LSAMP: variants seen among roughly 807,000 people sequenced by gnomAD.
The protein encoded by LSAMP is limbic system-associated membrane protein.
A neutral mutation model predicts 38.6 loss-of-function variants in LSAMP; 7 were observed. That is an observed-to-expected ratio of 0.18 (90% CI 0.10 to 0.34). The LOEUF (loss-of-function observed/expected upper bound fraction) is 0.34, where lower values mean the gene tolerates loss of function less well. Among genes scored for constraint, LSAMP ranks in the 10% least tolerant of loss-of-function variants. LSAMP has a pLI of 1.00. For missense variants in LSAMP, 313 were observed against 420.0 expected (o/e 0.75, Z 2.23); for synonymous variants, 154 against 166.8 (o/e 0.92, Z 0.59).
intron 1 of LSAMP, among the ~76,000 whole-genome samples, chr3:116,114,450 C>T (rs1278807396): frequency 6.6e-6 from 1 of 151,746 alleles, no homozygotes. Flanking sequence ...GGAACAAGGT[C>T]TGTTCATTAC....
intron 3 of LSAMP, among the ~76,000 whole-genome samples, chr3:115,980,959 C>T (rs548707018): frequency 1.4e-4 from 22 of 152,202 alleles, no homozygotes; most frequent in African/African-American, 5.1e-4. Context: ...GGTGAATTGT[C>T]GTTTCACTGG....
chr3:116,006,704 T>G (rs1272643368), intron 3 of LSAMP, among the ~76,000 whole-genome samples: 3 of 152,200 alleles, frequency 2.0e-5, no homozygotes, highest in Non-Finnish European at 4.4e-5. Flanking sequence ...CTGTGTCCAT[T>G]ATCACAGACA....
rs574215792 is a variant in LSAMP, at chr3:116,082,061, T to C, written c.388+4263A>G. ...GTGAATGGGATATTTAAAAATAAGA[T>C]TCTCGTTTTAAAAATGTTGTCATGT... is the stretch of plus-strand genomic sequence containing the variant. On this transcript the variant is annotated intron_variant, in intron 2 of 6. Transcript: ENST00000490035. Among the ~76,000 whole-genome samples the C allele has an allele frequency of 3.3e-5, 5 of 152,290 alleles. No homozygotes were observed. The South Asian group carries it at 1.0e-3, about 32-fold the overall frequency.
intron 2 of LSAMP, among the ~76,000 whole-genome samples, chr3:116,060,052 A>G (rs944636698): frequency 1.3e-5 from 2 of 152,182 alleles, no homozygotes; most frequent in Non-Finnish European, 2.9e-5. Context: ...GATTAGGAAA[A>G]GGCAAAGGCT....
At chr3:116,168,695 C>T (rs1051690039) in intron 1 of LSAMP, among the ~76,000 whole-genome samples, 11 of 152,086 alleles carry the variant, frequency 7.2e-5, no homozygotes, top group African/African-American at 2.4e-4. Context: ...CTCAATGACC[C>T]GAACATCTTC....
At chr3:116,077,897 C>T (rs758174273) in intron 2 of LSAMP, among the ~76,000 whole-genome samples, 1 of 152,158 alleles carries the variant, frequency 6.6e-6, no homozygotes, top group Non-Finnish European at 1.5e-5. Flanking sequence ...TGCCCAATGT[C>T]GTCCTATTAT....
chr3:116,093,554 T>C (rs1308278436), intron 1 of LSAMP, among the ~76,000 whole-genome samples: 1 of 152,240 alleles, frequency 6.6e-6, no homozygotes, highest in Non-Finnish European at 1.5e-5. Context: ...CGATAGTTAA[T>C]GATTATAAGT....
chr3:115,934,493 GT>G (rs1937635733), intron 3 of LSAMP, among the ~76,000 whole-genome samples: 1 of 152,002 alleles, frequency 6.6e-6, no homozygotes, highest in African/African-American at 2.4e-5. Context: ...TTGATATGGT[GT>G]TTTAAAAGTG....
intron 1 of LSAMP, among the ~76,000 whole-genome samples, chr3:116,270,680 T>TGGAG (rs1284882027): frequency 6.6e-6 from 1 of 152,090 alleles, no homozygotes; most frequent in East Asian, 1.9e-4. Flanking sequence ...TGTTTAATGT[T>TGGAG]GGAGGGTTCA....
chr3:115,919,141 C>A (rs1378879222), intron 3 of LSAMP, among the ~76,000 whole-genome samples: 2 of 152,182 alleles, frequency 1.3e-5, no homozygotes, highest in African/African-American at 4.8e-5. Context: ...CTCCTCACCC[C>A]CACTGTCCTG....
chr3:116,057,967 A>ACACACCCACACACC (rs1553699985), intron 2 of LSAMP, among the ~76,000 whole-genome samples: 2 of 147,542 alleles, frequency 1.4e-5, no homozygotes, highest in Non-Finnish European at 3.0e-5. Flanking sequence ...CCACACACAC[A>ACACACCCACACACC]CACACACACA....
intron 1 of LSAMP, among the ~76,000 whole-genome samples, chr3:116,103,203 C>T (rs1708386139): frequency 1.3e-5 from 2 of 151,998 alleles, no homozygotes; most frequent in South Asian, 4.2e-4. Flanking sequence ...CAGTGGCTCA[C>T]ACCTATAATC....
chr3:115,819,037 C>G (rs1934138742), intron 6 of LSAMP, among the ~76,000 whole-genome samples: 1 of 151,224 alleles, frequency 6.6e-6, no homozygotes, highest in South Asian at 2.1e-4. Context: ...GTAATCCCAG[C>G]TACTCGGGAA....
Position 115,990,270 on chromosome 3 carries a change from G to A in LSAMP, c.514+29245C>T, listed in dbSNP as rs192094658. Among the ~76,000 whole-genome samples the A allele has an allele frequency of 5.0e-3, 754 of 152,030 alleles. 2 individuals carry two copies. Among genetic ancestry groups the A allele is most frequent in the Admixed American group, 8.5e-3 (130 of 15,226 alleles). ...TAATGATCAATTTAATCACTTTGCC[G>A]TTTAGAGGGCTATAACAGCCAATCA... On this transcript the variant is annotated intron_variant, in intron 3 of 6. Transcript: ENST00000490035.
rs148522179 is a variant in LSAMP at position 116,344,922 on chromosome 3, G to A, written c.155+99955C>T. Among the ~76,000 whole-genome samples the A allele has an allele frequency of 5.0e-3, 758 of 152,204 alleles. 7 individuals are homozygous for A. Among genetic ancestry groups the A allele is most frequent in the African/African-American group, 0.017 (716 of 41,532 alleles). ...ACTCTTTGATTTCTATATTATTCAC[G>A]GTAGGCATTCCTTAAAACTTGTTTT... On this transcript the variant is annotated intron_variant, in intron 1 of 6. Transcript: ENST00000490035.
At chr3:116,222,384 G>C (rs940701612) in intron 1 of LSAMP, among the ~76,000 whole-genome samples, 1 of 151,258 alleles carries the variant, frequency 6.6e-6, no homozygotes, top group Admixed American at 6.6e-5. Flanking sequence ...CTACTTACTT[G>C]GTGCTCATTT....
At chr3:116,172,261 C>T (rs766803004) in intron 1 of LSAMP, among the ~76,000 whole-genome samples, 10 of 151,780 alleles carry the variant, frequency 6.6e-5, no homozygotes, top group Non-Finnish European at 7.4e-5. Flanking sequence ...TGTTCACAAC[C>T]GTCTATAATC....
intron 1 of LSAMP, among the ~76,000 whole-genome samples, chr3:116,292,616 T>C (rs1292589652): frequency 6.6e-6 from 1 of 152,132 alleles, no homozygotes; most frequent in Non-Finnish European, 1.5e-5. Flanking sequence ...GCTTTACAAA[T>C]GTACGATTTT....
At chr3:115,914,410 T>C (rs1382006209) in intron 3 of LSAMP, among the ~76,000 whole-genome samples, 1 of 152,200 alleles carries the variant, frequency 6.6e-6, no homozygotes, top group Non-Finnish European at 1.5e-5. Flanking sequence ...GGAATCCTGT[T>C]AGGTTAGTTT....
Sources: allele counts gnomAD v4.1 joint callset (sites outside exome capture counted in the v4.1 genomes callset), GRCh38; gene constraint gnomAD v4.1.1; transcripts MANE v1.5; gene names NCBI Gene and HGNC (gene_info 2026-07-23, HGNC 2026-07-21).